Variants in TBC1D5 observed in about 807,000 individuals in gnomAD.
The protein encoded by TBC1D5 is TBC1 domain family, member 5.
Under a neutral mutation model 100.3 loss-of-function variants are expected in TBC1D5, and 75 were observed. That is an observed-to-expected ratio of 0.75 (90% confidence interval 0.62 to 0.91). The LOEUF is 0.91. Among genes scored for constraint, TBC1D5 ranks in the 40% least tolerant of loss-of-function variants. The probability of loss-of-function intolerance (pLI) is 0.00; values close to 1 mark genes in which losing one functional copy is unlikely to be tolerated. For synonymous variants in TBC1D5, 323 were observed against 325.6 expected (o/e 0.99, Z 0.09); for missense variants, 910 against 942.4 (o/e 0.97, Z 0.45).
At chr3:17,312,046 C>G (rs1211788047) in intron 13 of TBC1D5, among the ~76,000 whole-genome samples, 2 of 152,066 alleles carry the variant, frequency 1.3e-5, no homozygotes, top group East Asian at 3.8e-4. Flanking sequence ...TGCTTGGGTA[C>G]TTCTTTGACT....
chr3:17,657,137 A>AAAAC (rs910536572), intron 1 of TBC1D5, among the ~76,000 whole-genome samples: 1 of 152,062 alleles, frequency 6.6e-6, no homozygotes, highest in South Asian at 2.1e-4. Flanking sequence ...CAAAAAAAAC[A>AAAAC]AAACAAACAA....
intron 3 of TBC1D5, among the ~76,000 whole-genome samples, chr3:17,443,361 G>A (rs80352170): frequency 0.023 from 3,428 of 152,202 alleles, 123 homozygotes; most frequent in African/African-American, 0.077. Context: ...AAAATTAACC[G>A]AACAATACCA....
intron 2 of TBC1D5, among the ~76,000 whole-genome samples, chr3:17,514,256 T>C (rs959725414): frequency 2.0e-5 from 3 of 152,184 alleles, no homozygotes; most frequent in African/African-American, 7.2e-5. Flanking sequence ...GAATACTTCA[T>C]TTGACAACAG....
intron 8 of TBC1D5, among the ~76,000 whole-genome samples, chr3:17,393,810 T>G (rs1362457906): frequency 1.3e-5 from 2 of 152,082 alleles, no homozygotes; most frequent in Non-Finnish European, 2.9e-5. Context: ...TTACACCTTA[T>G]ACAAAAATTA....
At chr3:17,521,525 T>C (rs1000176519) in intron 2 of TBC1D5, among the ~76,000 whole-genome samples, 2 of 152,192 alleles carry the variant, frequency 1.3e-5, no homozygotes, top group Non-Finnish European at 1.5e-5. Context: ...AGGCTATCAG[T>C]AGTCAAAGCA....
intron 4 of TBC1D5, among the ~76,000 whole-genome samples, chr3:17,417,792 G>A (rs1394185396): frequency 1.3e-5 from 2 of 152,098 alleles, no homozygotes; most frequent in Non-Finnish European, 2.9e-5. Context: ...GGTTGAACTA[G>A]TTTACAGTCC....
At chr3:17,701,780 T>C (rs912635279) in intron 1 of TBC1D5, among the ~76,000 whole-genome samples, 2 of 151,884 alleles carry the variant, frequency 1.3e-5, no homozygotes, top group Admixed American at 6.6e-5. Flanking sequence ...ATGTGGGTAA[T>C]TCCTTAACAG....
chr3:17,455,339 TG>T (rs2095047169), intron 3 of TBC1D5, among the ~76,000 whole-genome samples: 1 of 143,960 alleles, frequency 6.9e-6, no homozygotes, highest in Non-Finnish European at 1.5e-5. Flanking sequence ...TATATGTATA[TG>T]TATATATGTA....
At chr3:17,564,005 A>G (rs1371779053) in intron 2 of TBC1D5, among the ~76,000 whole-genome samples, 1 of 152,170 alleles carries the variant, frequency 6.6e-6, no homozygotes, top group African/African-American at 2.4e-5. Context: ...GATGGTCTCG[A>G]TCTCCTGACC....
At chr3:17,198,368 T>C (rs1484036912) in intron 18 of TBC1D5, among the ~76,000 whole-genome samples, 1 of 152,158 alleles carries the variant, frequency 6.6e-6, no homozygotes, top group African/African-American at 2.4e-5. Flanking sequence ...GAAGTCTTGG[T>C]GAGTAGCTGT....
intron 2 of TBC1D5, among the ~76,000 whole-genome samples, chr3:17,519,237 T>C (rs903978501): frequency 3.9e-5 from 6 of 152,356 alleles, no homozygotes; most frequent in Admixed American, 2.0e-4. Context: ...ACATGGCTTA[T>C]AGACCTTCTC....
chr3:17,310,974 A>G (rs887163233), intron 13 of TBC1D5, among the ~76,000 whole-genome samples: 2 of 151,988 alleles, frequency 1.3e-5, no homozygotes, highest in Non-Finnish European at 2.9e-5. Context: ...CACAACACAC[A>G]AATTTCCTGT....
intron 2 of TBC1D5, among the ~76,000 whole-genome samples, chr3:17,536,710 AAATC>A (rs1319879246): frequency 1.3e-5 from 2 of 152,198 alleles, no homozygotes; most frequent in Non-Finnish European, 2.9e-5. Context: ...GCAAAGACAT[AAATC>A]AATACTTGGA....
In TBC1D5 at chr3:17,185,222, A is replaced by G; in HGVS notation, c.1753-14T>C. 6.2e-7 allele frequency: 1 copy of G among 1,605,810 alleles called. No homozygotes were observed. The highest frequency in any genetic ancestry group is 8.5e-7 in the Non-Finnish European group (1 of 1,173,932). On this transcript the variant is annotated splice_polypyrimidine_tract_variant and intron_variant, in intron 18 of 21. Coordinates refer to ENST00000253692, the Ensembl canonical transcript of TBC1D5. ...TAATTCTTCTTCCTAAAATAAAGGG[A>G]TAAACATATGGAAATTTTTTAGAGA...
intron 2 of TBC1D5, among the ~76,000 whole-genome samples, chr3:17,559,594 A>ATTT (rs35500376): frequency 6.8e-6 from 1 of 147,488 alleles, no homozygotes; most frequent in Non-Finnish European, 1.5e-5. Flanking sequence ...CAAATCTAGA[A>ATTT]TTTTTTTTTT....
chr3:17,604,479 T>C (rs2061205793), intron 2 of TBC1D5, among the ~76,000 whole-genome samples: 2 of 152,184 alleles, frequency 1.3e-5, no homozygotes, highest in South Asian at 4.1e-4. Context: ...GATTGGTAAA[T>C]CATTTTAATT....
intron 3 of TBC1D5, among the ~76,000 whole-genome samples, chr3:17,484,543 T>C (rs781140971): frequency 7.3e-5 from 11 of 149,672 alleles, no homozygotes; most frequent in Non-Finnish European, 1.2e-4. Flanking sequence ...TTAAAGATAA[T>C]AAGGTAACAC....
At chr3:17,503,253 T>A (rs1412116417) in intron 3 of TBC1D5, among the ~76,000 whole-genome samples, 1 of 149,622 alleles carries the variant, frequency 6.7e-6, no homozygotes, top group East Asian at 1.9e-4. Context: ...CTCTTTACAA[T>A]CATCTGGCTA....
intron 13 of TBC1D5, among the ~76,000 whole-genome samples, chr3:17,348,189 T>C (rs1050667515): frequency 2.0e-5 from 3 of 152,308 alleles, no homozygotes; most frequent in Non-Finnish European, 2.9e-5. Context: ...ATAATTGCAA[T>C]AGCATTGTGT....
Sources: allele counts gnomAD v4.1 joint callset (sites outside exome capture counted in the v4.1 genomes callset), GRCh38; gene constraint gnomAD v4.1.1; transcripts MANE v1.5; gene names NCBI Gene and HGNC (gene_info 2026-07-23, HGNC 2026-07-21).